Variants in LRRC7 observed in about 807,000 individuals in gnomAD.
LRRC7 encodes leucine-rich repeat-containing protein 7.
Under a neutral mutation model 175.7 loss-of-function variants are expected in LRRC7, and 23 were observed. That is an observed-to-expected ratio of 0.13 (90% CI 0.09 to 0.19). The LOEUF (loss-of-function observed/expected upper bound fraction) is 0.19. LRRC7 is among the 10% of genes least tolerant of loss of function. The pLI, the probability that LRRC7 is intolerant of heterozygous loss-of-function variation, is 1.00. For missense variants in LRRC7, 1,354 were observed against 1,904.7 expected (o/e 0.71, Z 5.38); for synonymous variants, 685 against 680.9 (o/e 1.01, Z -0.09).
intron 23 of LRRC7, among the ~76,000 whole-genome samples, chr1:70,066,466 A>G (rs757480388): frequency 6.6e-6 from 1 of 151,992 alleles, no homozygotes; most frequent in East Asian, 1.9e-4. Flanking sequence ...CAAGAATGCT[A>G]TGTAAATAGG....
At chr1:69,583,096 T>C (rs1569686354) in intron 1 of LRRC7, among the ~76,000 whole-genome samples, 1 of 151,916 alleles carries the variant, frequency 6.6e-6, no homozygotes, top group East Asian at 1.9e-4. Flanking sequence ...TATTTTTTTA[T>C]AATATCTGGA....
At chr1:70,055,594 T>G (rs1661085613) in intron 23 of LRRC7, among the ~76,000 whole-genome samples, 1 of 151,946 alleles carries the variant, frequency 6.6e-6, no homozygotes, top group Non-Finnish European at 1.5e-5. Context: ...GTATAGGAGG[T>G]ATAGCTAGGA....
At chr1:69,909,281 T>C (rs1646436755) in intron 7 of LRRC7, among the ~76,000 whole-genome samples, 1 of 152,210 alleles carries the variant, frequency 6.6e-6, no homozygotes, top group Non-Finnish European at 1.5e-5. Context: ...TTAAAATTAA[T>C]ATTGTTATGT....
intron 4 of LRRC7, among the ~76,000 whole-genome samples, chr1:69,799,102 GT>G (rs34579269): frequency 0.51 from 69,197 of 135,928 alleles, 16,924 homozygotes; most frequent in East Asian, 0.72. Context: ...CTGAATGCTA[GT>G]TTTTTTTTTT....
chr1:69,763,129 T>C (rs1196422355), intron 3 of LRRC7, among the ~76,000 whole-genome samples: 2 of 152,060 alleles, frequency 1.3e-5, no homozygotes, highest in South Asian at 4.1e-4. Flanking sequence ...GTTCATTATA[T>C]GTGTTTCAAG....
At chr1:69,587,288 C>G (rs1380377518) in intron 1 of LRRC7, among the ~76,000 whole-genome samples, 1 of 152,102 alleles carries the variant, frequency 6.6e-6, no homozygotes, top group Admixed American at 6.5e-5. Flanking sequence ...TCATTTTCCT[C>G]TTCTCTCATT....
intron 8 of LRRC7, among the ~76,000 whole-genome samples, chr1:69,938,888 A>G (rs1270418898): frequency 2.6e-5 from 4 of 151,162 alleles, no homozygotes; most frequent in African/African-American, 7.3e-5. Flanking sequence ...ATAATGAAGT[A>G]CAATTTGTCA....
Position 70,125,537 on chromosome 1 carries a change from A to C in LRRC7, c.*3650A>C, listed in dbSNP as rs1666404588. ...GCCGGGCGCGGTGGCTCACGCCTGT[A>C]ATCCCAGCACTTTGGGAGGCCGAGG... On this transcript the variant is annotated 3_prime_UTR_variant, in exon 27 of 27. Transcript: ENST00000651989. Among the ~76,000 whole-genome samples the C allele has an allele frequency of 6.6e-6, 1 of 152,228 alleles. No individual in the cohort carries two copies. The highest frequency in any genetic ancestry group is 1.5e-5 in the Non-Finnish European group (1 of 68,042).
chr1:69,738,081 G>A (rs887819845), intron 2 of LRRC7, among the ~76,000 whole-genome samples: 2 of 151,958 alleles, frequency 1.3e-5, no homozygotes, highest in African/African-American at 2.4e-5. Context: ...TCTTGTCTGG[G>A]CTTACTGAGA....
In LRRC7 at chr1:69,834,835, G is replaced by A. The variant is rs766366739; in HGVS notation, c.556G>A (p.Ala186Thr). 4 of 1,612,984 alleles carry A rather than the reference G, an allele frequency of 2.5e-6. No homozygotes were observed. Among genetic ancestry groups the A allele is most frequent in the African/African-American group, 1.3e-5 (1 of 74,908 alleles). The stretch of plus-strand genomic sequence containing the variant: ...CCTGACCCAGCTCTACCTGAATGAC[G>A]CCTTTCTTGAATTTCTTCCAGCCAA... ...LNLTQLYLND[A>T]FLEFLPANFG... is the part of the protein sequence containing the mutation. Residue 186 changes from alanine (A) to threonine (T), a missense_variant, in exon 6 of 27, where the codon GCC (alanine) becomes ACC (threonine). Physicochemically the swap from Ala to Thr is moderately conservative, Grantham distance 58. Around this residue, in one of 4 missense-constraint regions of LRRC7, gnomAD observed 201 missense variants for 481.4 expected, o/e 0.42. Transcript: ENST00000651989.
intron 7 of LRRC7, among the ~76,000 whole-genome samples, chr1:69,880,950 A>G (rs1450884438): frequency 6.6e-6 from 1 of 152,200 alleles, no homozygotes; most frequent in Non-Finnish European, 1.5e-5. Flanking sequence ...ACTGTTTTTG[A>G]TTGACTTATA....
intron 2 of LRRC7, among the ~76,000 whole-genome samples, chr1:69,755,118 T>C (rs1670269003): frequency 6.6e-6 from 1 of 151,836 alleles, no homozygotes; most frequent in Non-Finnish European, 1.5e-5. Context: ...ACAATATAGT[T>C]CTGTGCCCAG....
intron 2 of LRRC7, among the ~76,000 whole-genome samples, chr1:69,718,140 G>GAA (rs1557643395): frequency 4.0e-4 from 17 of 42,282 alleles, no homozygotes; most frequent in East Asian, 6.5e-4. Context: ...GAAAGAAAGA[G>GAA]AGAGAAAGAA....
At chr1:70,114,145 T>C (rs1665699550) in intron 26 of LRRC7, among the ~76,000 whole-genome samples, 1 of 152,228 alleles carries the variant, frequency 6.6e-6, no homozygotes, top group African/African-American at 2.4e-5. Flanking sequence ...TATTTAAAAA[T>C]TGTACTAAAG....
intron 7 of LRRC7, among the ~76,000 whole-genome samples, chr1:69,912,807 C>G (rs1341705403): frequency 6.6e-6 from 1 of 152,114 alleles, no homozygotes; most frequent in Non-Finnish European, 1.5e-5. Context: ...TCATTAAAAG[C>G]AGTAGTGCAG....
chr1:69,741,044 A>G (rs1306066606), intron 2 of LRRC7, among the ~76,000 whole-genome samples: 2 of 152,024 alleles, frequency 1.3e-5, no homozygotes, highest in Non-Finnish European at 2.9e-5. Context: ...TACTAGAGGA[A>G]CTGCAATGAC....
At chr1:69,996,197 G>T (rs2101916289) in intron 11 of LRRC7, among the ~76,000 whole-genome samples, 1 of 150,358 alleles carries the variant, frequency 6.7e-6, no homozygotes, top group South Asian at 2.1e-4. Flanking sequence ...CTGCATAAAG[G>T]TCTCTTTTGA....
At chr1:69,954,834 ATAAT>A (rs1650326928) in intron 8 of LRRC7, among the ~76,000 whole-genome samples, 1 of 152,070 alleles carries the variant, frequency 6.6e-6, no homozygotes, top group Middle Eastern at 3.2e-3. Context: ...CTATACATTT[ATAAT>A]TAATTCACTT....
In LRRC7 at chr1:69,948,844, T is replaced by C. The variant is rs1041790443; in HGVS notation, c.711+17274T>C. Among the ~76,000 whole-genome samples the C allele has an allele frequency of 4.6e-5, 7 of 152,160 alleles. No homozygotes were observed. In the South Asian group the frequency reaches 1.0e-3, roughly 22 times the overall value. On this transcript the variant is annotated intron_variant, in intron 8 of 26. Coordinates refer to ENST00000651989, the MANE Select transcript of LRRC7 (RefSeq NM_001370785.2). ...ATGAGGACAAGCACATTACAGACTT[T>C]CAGTGCTGTTTCGATTGTGCCAACC... is the stretch of plus-strand genomic sequence containing the variant.
Sources: gnomAD v4.1 joint callset for allele counts (sites outside exome capture counted in the v4.1 genomes callset) on GRCh38, gnomAD v4.1.1 for gene constraint, gnomAD v4.1.1 regional missense constraint, MANE v1.5 for transcripts, NCBI Gene and HGNC (gene_info 2026-07-23, HGNC 2026-07-21) for gene names.